CFAP54: variants seen among roughly 807,000 people sequenced by gnomAD.
The protein encoded by CFAP54 is cilia and flagella associated protein 54, also known as cilia- and flagella-associated protein 54.
CFAP54 carries 290 observed loss-of-function variants against 370.4 expected under a neutral mutation model. The observed-to-expected ratio is 0.78, with a 90% CI of 0.71 to 0.86. CFAP54 has a LOEUF of 0.86. CFAP54 is among the 40% of genes least tolerant of loss of function. The pLI, the probability that CFAP54 is intolerant of heterozygous loss-of-function variation, is 0.00. For missense variants in CFAP54, 3,399 were observed against 3,528.7 expected (o/e 0.96, Z 0.93); for synonymous variants, 1,206 against 1,236.5 (o/e 0.98, Z 0.52).
intron 9 of CFAP54, among the ~76,000 whole-genome samples, chr12:96,528,588 A>G (rs915208340): frequency 6.6e-6 from 1 of 152,140 alleles, no homozygotes; most frequent in African/African-American, 2.4e-5. Flanking sequence ...TTGTATGGCA[A>G]TATTTTAAAT....
chr12:96,708,487 C>T (rs922177321), intron 47 of CFAP54, 121 bp from the exon 48 acceptor site: 61 of 743,688 alleles, frequency 8.2e-5, no homozygotes, highest in Non-Finnish European at 1.2e-4. Flanking sequence ...TTTACAATAC[C>T]CCATGCCCAG....
chr12:96,758,222 G>T (rs931491097), intron 58 of CFAP54, among the ~76,000 whole-genome samples: 1 of 152,130 alleles, frequency 6.6e-6, no homozygotes, highest in African/African-American at 2.4e-5. Flanking sequence ...GAGGGAGAAG[G>T]AGGGGAAGGG....
At chr12:96,647,188 T>C (rs1565927384) in intron 33 of CFAP54, 2 of 151,876 alleles carry the variant, frequency 1.3e-5, no homozygotes, top group African/African-American at 4.8e-5. Flanking sequence ...AAAAAAGAAA[T>C]GAGGGCTGCG....
intron 63 of CFAP54, among the ~76,000 whole-genome samples, chr12:96,809,844 C>T (rs1344969102): frequency 1.3e-5 from 2 of 152,130 alleles, no homozygotes; most frequent in Non-Finnish European, 2.9e-5. Flanking sequence ...AAAGACAATT[C>T]TGTTAGACTC....
At chr12:96,712,127 C>A (rs1050547800) in intron 48 of CFAP54, among the ~76,000 whole-genome samples, 5 of 151,692 alleles carry the variant, frequency 3.3e-5, no homozygotes, top group African/African-American at 9.7e-5. Context: ...GATATTTATA[C>A]ATTATACTAT....
intron 9 of CFAP54, among the ~76,000 whole-genome samples, chr12:96,530,698 G>A (rs1033431220): frequency 1.3e-5 from 2 of 152,214 alleles, no homozygotes; most frequent in African/African-American, 4.8e-5. Context: ...ATGCTCAACA[G>A]TGCAATTGCT....
At chr12:96,825,426 TATTATATATA>T (rs1431478718) in intron 65 of CFAP54, among the ~76,000 whole-genome samples, 1 of 105,522 alleles carries the variant, frequency 9.5e-6, no homozygotes, top group Non-Finnish European at 1.9e-5. Flanking sequence ...TAACATGTTA[TATTATATATA>T]ATATATGTTA....
chr12:96,686,616 C>A (rs1389633321), intron 42 of CFAP54, among the ~76,000 whole-genome samples: 2 of 152,034 alleles, frequency 1.3e-5, no homozygotes, highest in African/African-American at 4.8e-5. Context: ...GTGCCACACT[C>A]TTTTAAACAA....
Position 96,872,296 on chromosome 12 carries a change from GA to G in CFAP54, c.*15-2813del, listed in dbSNP as rs901472773. 2.0e-3 allele frequency among the ~76,000 whole-genome samples: 301 copies of G among 150,740 alleles called. 5 individuals carry two copies. The highest frequency in any genetic ancestry group is 6.9e-3 in the African/African-American group (286 of 41,164). On this transcript the variant is annotated intron_variant, in intron 67 of 67. Coordinates refer to ENST00000524981, the MANE Select transcript of CFAP54 (RefSeq NM_001306084.2). ...GGTTGCCTTCTTAAAAGTGCTGAAA[GA>G]AAAAAAAAGTCAACCTATTAATCTA...
intron 46 of CFAP54, among the ~76,000 whole-genome samples, chr12:96,700,808 T>C (rs1957483628): frequency 6.6e-6 from 1 of 151,956 alleles, no homozygotes; most frequent in Non-Finnish European, 1.5e-5. Flanking sequence ...ATAAAGGAAA[T>C]GGGAGAAGGT....
rs114765640 is a variant in CFAP54, at chr12:96,757,824, A to G, written c.8040+236A>G. Among the ~76,000 whole-genome samples, 560 of 152,310 alleles carry G rather than the reference A, an allele frequency of 3.7e-3. 7 individuals are homozygous for G. The highest frequency in any genetic ancestry group is 0.013 in the African/African-American group (536 of 41,566). ...ATTTCTGCCTGTGAAAATGTTATCC[A>G]TAAAATGTAACTGTACATAAATATA... On this transcript the variant is annotated intron_variant, in intron 58 of 67. Transcript: ENST00000524981.
intron 26 of CFAP54, among the ~76,000 whole-genome samples, chr12:96,618,612 G>A (rs1335823999): frequency 3.9e-5 from 2 of 51,310 alleles, no homozygotes; most frequent in South Asian, 5.2e-4. Flanking sequence ...TTTGAGAATG[G>A]GTGGGTTTGG....
intron 30 of CFAP54, among the ~76,000 whole-genome samples, chr12:96,629,444 A>G (rs935898949): frequency 6.6e-6 from 1 of 150,720 alleles, no homozygotes; most frequent in Admixed American, 6.6e-5. Flanking sequence ...GCTGGACTAC[A>G]GTAGGCGCCT....
At chr12:96,768,053 G>A (rs1011979970) in intron 60 of CFAP54, among the ~76,000 whole-genome samples, 1 of 152,074 alleles carries the variant, frequency 6.6e-6, no homozygotes, top group Non-Finnish European at 1.5e-5. Context: ...AGGTGCAGTG[G>A]CTCATGCCTG....
At chr12:96,743,215 A>C (rs1292061180) in intron 52 of CFAP54, among the ~76,000 whole-genome samples, 187 bp from the exon 53 acceptor site, 1 of 152,174 alleles carries the variant, frequency 6.6e-6, no homozygotes, top group Non-Finnish European at 1.5e-5. Context: ...AAAGTCCTAA[A>C]GTACTTTCCC....
At chr12:96,855,052 C>T (rs1285752407) in intron 66 of CFAP54, among the ~76,000 whole-genome samples, 1 of 152,116 alleles carries the variant, frequency 6.6e-6, no homozygotes, top group Non-Finnish European at 1.5e-5. Flanking sequence ...GCAAACATGT[C>T]CTTCTTCACA....
At chr12:96,548,289 G>T (rs540733987) in intron 15 of CFAP54, among the ~76,000 whole-genome samples, 105 of 152,020 alleles carry the variant, frequency 6.9e-4, no homozygotes, top group South Asian at 6.8e-3. Context: ...CCCTACCTAG[G>T]AGTAACTCCT....
At chr12:96,535,210 C>T (rs1352858064) in intron 11 of CFAP54, among the ~76,000 whole-genome samples, 2 of 151,960 alleles carry the variant, frequency 1.3e-5, no homozygotes, top group African/African-American at 4.8e-5. Flanking sequence ...CCACCATGCC[C>T]AGCTAATTTT....
chr12:96,570,271 G>T (rs1276552550), intron 19 of CFAP54, among the ~76,000 whole-genome samples: 2 of 151,810 alleles, frequency 1.3e-5, no homozygotes, highest in East Asian at 1.9e-4. Flanking sequence ...ACTGTGCCCA[G>T]CCTCAGCTCT....
Sources: allele counts gnomAD v4.1 joint callset (sites outside exome capture counted in the v4.1 genomes callset), GRCh38; gene constraint gnomAD v4.1.1; transcripts MANE v1.5; gene names NCBI Gene and HGNC (gene_info 2026-07-23, HGNC 2026-07-21).